TRMT13: variants seen among roughly 807,000 people sequenced by gnomAD.
TRMT13 encodes the protein tRNA:m(4)X modification enzyme TRM13 homolog.
In TRMT13, 45 loss-of-function variants were observed where a neutral mutation model predicts 55.9. That is an observed-to-expected ratio of 0.80 (90% CI 0.63 to 1.03). The LOEUF (loss-of-function observed/expected upper bound fraction) is 1.03. TRMT13 is among the 50% of genes least tolerant of loss of function. The pLI is 0.00. For synonymous variants in TRMT13, 183 were observed against 196.3 expected (o/e 0.93, Z 0.57); for missense variants, 513 against 563.9 (o/e 0.91, Z 0.91).
Position 100,148,173 on chromosome 1 carries a change from G to C in TRMT13, c.1097G>C (p.Arg366Pro). ...GCAGTGGAATTCCATTATTTCCAGC[G>C]AATGAGTAGTTGGGCAACTTGTGGG... is the stretch of plus-strand genomic sequence containing the variant. ...LGAVEFHYFQ[R>P]MSSWATCGMR... The change falls in exon 10 of 11, where the codon CGA (arginine) becomes CCA (proline). Residue 366 changes from arginine (R) to proline (P), a missense_variant. Arg to Pro is a moderately radical substitution (Grantham distance 103, BLOSUM62 -2). Coordinates refer to ENST00000370141, the MANE Select transcript of TRMT13 (RefSeq NM_019083.3). The C allele has an allele frequency of 6.2e-7, 1 of 1,614,140 alleles. No individual in the cohort carries two copies. The highest frequency in any genetic ancestry group is 8.5e-7 in the Non-Finnish European group (1 of 1,180,028).
chr1:100,148,272 A>C lies in TRMT13; in HGVS notation c.1196A>C (p.Glu399Ala), dbSNP rs748331773. The C allele has an allele frequency of 6.2e-7, 1 of 1,614,180 alleles. No individual in the cohort carries two copies. Among genetic ancestry groups the C allele is most frequent in the South Asian group, 1.1e-5 (1 of 91,086 alleles). The part of the protein sequence containing the change: ...RQDNQNDDSE[E>A]HDDGGYRITD... ...GATAATCAGAATGATGATAGTGAAG[A>C]GCATGATGATGGAGGATACAGAATC... The change falls in exon 10 of 11, where the codon GAG becomes GCG. Residue 399 changes from glutamate to alanine, a missense_variant. Coordinates refer to ENST00000370141, the MANE Select transcript of TRMT13 (RefSeq NM_019083.3).
chr1:100,133,564 T>G (rs1655340472), intron 1 of TRMT13, among the ~76,000 whole-genome samples: 1 of 152,200 alleles, frequency 6.6e-6, no homozygotes, highest in Non-Finnish European at 1.5e-5. Context: ...TATCTCGATC[T>G]TAACTCATGG....
rs1657761939 is a variant in TRMT13 at position 100,149,681 on chromosome 1, CCTT to C, written c.*864_*866del. 4 of 313,142 alleles carry C rather than the reference CCTT, an allele frequency of 1.3e-5. No homozygotes were observed. Among genetic ancestry groups the C allele is most frequent in the East Asian group, 1.5e-4 (2 of 12,926 alleles). 19.4% of individuals were successfully genotyped at this position (313,142 alleles called of 1,614,324 possible). A position where few individuals can be genotyped will look rare whatever the true frequency, so the allele number is the denominator to read the frequency against. ...AGAAATTAGATAATGAAACCAAAAA[CCTT>C]CTCAAATTTAGGCCTTATTTAACTC... On this transcript the variant is annotated 3_prime_UTR_variant, in exon 11 of 11. Transcript: ENST00000370141.
chr1:100,137,198 A>G, intron 3 of TRMT13, 113 bp downstream of exon 3: 3 of 938,006 alleles, frequency 3.2e-6, no homozygotes, highest in South Asian at 1.6e-5. Flanking sequence ...CTCAGGAAAT[A>G]TAATTTTTTT....
intron 9 of TRMT13, among the ~76,000 whole-genome samples, chr1:100,146,671 A>G (rs985977481): frequency 2.0e-5 from 3 of 152,042 alleles, no homozygotes; most frequent in African/African-American, 7.2e-5. Flanking sequence ...ACGCCCGGCT[A>G]ATTTTTGTAT....
intron 3 of TRMT13, among the ~76,000 whole-genome samples, chr1:100,138,067 A>C (rs751799185): frequency 2.6e-4 from 40 of 152,230 alleles, no homozygotes; most frequent in Non-Finnish European, 2.5e-4. Flanking sequence ...CCCTTGGGTG[A>C]GTTTCACTGC....
In TRMT13 at chr1:100,140,181, G is replaced by A; in HGVS notation, c.325-1G>A. 6.2e-7 allele frequency: 1 copy of A among 1,602,192 alleles called. No individual in the cohort carries two copies. The highest frequency in any genetic ancestry group is 8.5e-7 in the Non-Finnish European group (1 of 1,172,708). The stretch of plus-strand genomic sequence containing the variant: ...TTATTTAGTTTTATTTTTGTATATA[G>A]GTTCCAATTTCTTCTCTATCTGAAG... On this transcript the variant is annotated splice_acceptor_variant, in intron 4 of 10. Transcript: ENST00000370141. LOFTEE classifies it high-confidence loss of function.
In TRMT13 at chr1:100,149,144, T is replaced by C. The variant is rs746493885; in HGVS notation, c.*324T>C. ...AACACATAATTAGCGTATTTCTGTT[T>C]GTATTAATTTTGGAAATTTATCTTC... On this transcript the variant is annotated 3_prime_UTR_variant, in exon 11 of 11. Coordinates refer to ENST00000370141, the MANE Select transcript of TRMT13 (RefSeq NM_019083.3). 3.2e-6 allele frequency: 5 copies of C among 1,565,512 alleles called. No homozygotes were observed. The highest frequency in any genetic ancestry group is 4.3e-6 in the Non-Finnish European group (5 of 1,164,294).
intron 1 of TRMT13, 52 bp downstream of exon 1, chr1:100,133,367 G>A: frequency 6.3e-7 from 1 of 1,576,390 alleles, no homozygotes; most frequent in East Asian, 2.3e-5. Flanking sequence ...TCCTGGTCCT[G>A]TCGGTGCTGG....
intron 3 of TRMT13, among the ~76,000 whole-genome samples, chr1:100,138,060 T>C (rs1006601251): frequency 1.3e-5 from 2 of 152,286 alleles, no homozygotes; most frequent in East Asian, 3.9e-4. Context: ...ATGGAAACCC[T>C]TGGGTGAGTT....
chr1:100,140,466 T>G lies in TRMT13; in HGVS notation c.453T>G (p.Leu151=), dbSNP rs532713466. The change falls in exon 6 of 11, where the codon CTT becomes CTG. Residue 151 remains leucine (L), a synonymous_variant. Coordinates refer to ENST00000370141, the MANE Select transcript of TRMT13 (RefSeq NM_019083.3). The part of the protein sequence containing the change: ...IMSHPALHDA[L]NDPKNGDSAT... ...CCCATCCAGCATTACACGATGCACT[T>G]AATGACCCTAAAAATGGCGATTCTG... 1.9e-6 allele frequency: 3 copies of G among 1,614,056 alleles called. No homozygotes were observed. The African/African-American group carries it at 4.0e-5, about 22-fold the overall frequency.
intron 1 of TRMT13, among the ~76,000 whole-genome samples, chr1:100,134,183 A>C (rs970636044): frequency 6.6e-6 from 1 of 152,212 alleles, no homozygotes; most frequent in African/African-American, 2.4e-5. Flanking sequence ...ATTGAGAACA[A>C]AGCATACAAT....
intron 7 of TRMT13, chr1:100,142,919 G>A (rs1553221927): frequency 6.2e-6 from 3 of 485,224 alleles, no homozygotes; most frequent in Non-Finnish European, 1.1e-5. Context: ...GAATTTTTAG[G>A]GTTAAAGGAA....
chr1:100,149,076 G>A lies in TRMT13; in HGVS notation c.*256G>A, dbSNP rs766316303. 6.2e-6 allele frequency: 10 copies of A among 1,602,378 alleles called. No homozygotes were observed. In the East Asian group the frequency reaches 2.3e-4, roughly 36 times the overall value. ...CGTATTTATGGAGATTGGTAAAGTA[G>A]TTGAACCGTTGACTTGGTGATCTGA... On this transcript the variant is annotated 3_prime_UTR_variant, in exon 11 of 11. Transcript: ENST00000370141.
At position 100,148,900 on chromosome 1, in the gene TRMT13, C is replaced by A; in HGVS notation, c.*80C>A. ...TATTTTTATATCAAAAAAATATATA[C>A]TTTAAATAGCAAATAATATGAACTT... On this transcript the variant is annotated 3_prime_UTR_variant, in exon 11 of 11. Coordinates refer to ENST00000370141, the MANE Select transcript of TRMT13 (RefSeq NM_019083.3). The A allele has an allele frequency of 9.0e-7, 1 of 1,111,524 alleles. No individual in the cohort carries two copies. The highest frequency in any genetic ancestry group is 3.0e-5 in the South Asian group (1 of 32,826). 68.9% of individuals were successfully genotyped at this position (1,111,524 alleles called of 1,614,324 possible). A position where few individuals can be genotyped will look rare whatever the true frequency, so the allele number is the denominator to read the frequency against.
chr1:100,143,989 C>T (rs941681438), intron 8 of TRMT13, 80 bp from the exon 9 acceptor site: 1 of 1,201,386 alleles, frequency 8.3e-7, no homozygotes, highest in Non-Finnish European at 1.2e-6. Flanking sequence ...TTCAGAGACT[C>T]TAATTAGTTC....
At chr1:100,146,697 G>A (rs1222017942) in intron 9 of TRMT13, among the ~76,000 whole-genome samples, 1 of 152,072 alleles carries the variant, frequency 6.6e-6, no homozygotes, top group Non-Finnish European at 1.5e-5. Flanking sequence ...GTAGAGACGG[G>A]ATTTCACCGT....
intron 7 of TRMT13, 31 bp downstream of exon 7, chr1:100,141,050 C>A: frequency 1.3e-6 from 2 of 1,508,438 alleles, no homozygotes; most frequent in South Asian, 1.4e-5. Flanking sequence ...GTGTTAGTAA[C>A]CAAACTTGTT....
At position 100,133,180 on chromosome 1, in the gene TRMT13, C is replaced by A. The variant is rs768063485; in HGVS notation, c.12C>A (p.Ser4=). The part of the protein sequence containing the change: MAT[S]ATSPHAPGFP... ...CGAGCCCTAGAATTATGGCGACCTC[C>A]GCGACGTCGCCGCACGCGCCTGGTT... The change falls in exon 1 of 11, where the codon TCC becomes TCA. Residue 4 remains serine (S), a synonymous_variant. Transcript: ENST00000370141. The A allele has an allele frequency of 5.0e-6, 8 of 1,614,186 alleles. No homozygotes were observed. The South Asian group carries it at 6.6e-5, about 13-fold the overall frequency.
Sources: allele counts gnomAD v4.1 joint callset (sites outside exome capture counted in the v4.1 genomes callset), GRCh38; gene constraint gnomAD v4.1.1; transcripts MANE v1.5; gene names NCBI Gene and HGNC (gene_info 2026-07-23, HGNC 2026-07-21).